The following KIF4A variants were observed in gnomAD, a reference collection of about 807,000 sequenced individuals.
KIF4A encodes kinesin family member 4A, also known as chromosome-associated kinesin KIF4A.
KIF4A carries 7 observed loss-of-function variants against 105.9 expected under a neutral mutation model. That is an observed-to-expected ratio of 0.07 (90% CI 0.04 to 0.12). KIF4A has a LOEUF of 0.12. Among genes scored for constraint, KIF4A ranks in the 10% least tolerant of loss-of-function variants. The probability of loss-of-function intolerance (pLI) is 1.00; values close to 1 mark genes in which losing one functional copy is unlikely to be tolerated. For synonymous variants in KIF4A, 281 were observed against 331.3 expected (o/e 0.85, Z 1.65); for missense variants, 558 against 929.2 (o/e 0.60, Z 5.19).
chrX:70,410,684 A>G (rs1000752921), intron 28 of KIF4A, among the ~76,000 whole-genome samples: 2 of 111,839 alleles, frequency 1.8e-5, no homozygotes, highest in African/African-American at 6.5e-5. Flanking sequence ...CAACATGTGC[A>G]GTTCACAACA....
At position 70,419,702 on chromosome X, in the gene KIF4A, C is replaced by T. The variant is rs1266702964; in HGVS notation, c.3414C>T (p.Gly1138=). 1 of 1,209,704 alleles carries T rather than the reference C, an allele frequency of 8.3e-7. No individual in the cohort carries two copies. ...GTVERTQDSE[G]SFKLEDPTEV... is the part of the protein sequence containing the mutation. ...TTGAACGGACCCAGGATTCCGAAGGCTCCTTCAAACTGGAGGATCCTACCG... is the reference window on the plus strand; with the variant it reads ...TTGAACGGACCCAGGATTCCGAAGGTTCCTTCAAACTGGAGGATCCTACCG... The change falls in exon 30 of 31, where the codon GGC becomes GGT. Residue 1138 remains glycine (G), a synonymous_variant. Transcript: ENST00000374403.
At chrX:70,330,809 G>C (rs951313307) in intron 9 of KIF4A, among the ~76,000 whole-genome samples, 2 of 112,117 alleles carry the variant, frequency 1.8e-5, no homozygotes, top group African/African-American at 6.5e-5. Context: ...AGAAACATAG[G>C]TAGCAAAGTA....
intron 13 of KIF4A, among the ~76,000 whole-genome samples, chrX:70,350,082 G>A (rs2086022108): frequency 8.8e-6 from 1 of 114,096 alleles, no homozygotes; most frequent in Admixed American, 9.1e-5. Context: ...TCCTAGATGG[G>A]GTGGCGGCCG....
chrX:70,344,040 A>T, intron 13 of KIF4A, 58 bp downstream of exon 13: 3 of 872,767 alleles, frequency 3.4e-6, no homozygotes, highest in Non-Finnish European at 5.0e-6. Flanking sequence ...TTCTCTTGAC[A>T]CATACAAGCC....
At chrX:70,310,707 T>A (rs1044118429) in intron 7 of KIF4A, among the ~76,000 whole-genome samples, 10 of 111,335 alleles carry the variant, frequency 9.0e-5, no homozygotes. Flanking sequence ...AGAGTTCCAG[T>A]TTTTTACGTT....
intron 7 of KIF4A, among the ~76,000 whole-genome samples, chrX:70,310,311 T>TTGTG (rs1555945529): frequency 0.15 from 12,613 of 86,164 alleles, 809 homozygotes; most frequent in Non-Finnish European, 0.18. Context: ...CTCAAAATGG[T>TTGTG]TGTGTGTGTG....
At chrX:70,390,705 GACCACT>G (rs765659032) in intron 20 of KIF4A, among the ~76,000 whole-genome samples, 1 of 111,494 alleles carries the variant, frequency 9.0e-6, no homozygotes, top group South Asian at 3.7e-4. Flanking sequence ...ACAGTTGTGT[GACCACT>G]ACAACAATCA....
chrX:70,311,355 T>C (rs963271323), intron 7 of KIF4A, among the ~76,000 whole-genome samples: 1 of 111,584 alleles, frequency 9.0e-6, no homozygotes, highest in African/African-American at 3.3e-5. Context: ...ACTCTATTAC[T>C]GAGTTCTTCC....
intron 7 of KIF4A, among the ~76,000 whole-genome samples, chrX:70,317,805 A>G (rs767171505): frequency 4.5e-5 from 5 of 110,457 alleles, no homozygotes; most frequent in Non-Finnish European, 7.6e-5. Context: ...TAGCCTCCCA[A>G]AGTGTTGGAA....
intron 7 of KIF4A, among the ~76,000 whole-genome samples, chrX:70,302,924 C>T (rs765776733): frequency 1.8e-5 from 2 of 111,835 alleles, no homozygotes; most frequent in Non-Finnish European, 3.8e-5. Context: ...ATCTCTCTAA[C>T]AAAAATTAAC....
chrX:70,417,755 A>G, intron 28 of KIF4A, 133 bp from the exon 29 acceptor site: 2 of 442,138 alleles, frequency 4.5e-6, no homozygotes, highest in Non-Finnish European at 7.8e-6. Flanking sequence ...AGAGAGGACT[A>G]AGGAGATTGA....
intron 15 of KIF4A, among the ~76,000 whole-genome samples, chrX:70,366,615 C>A (rs1555950885): frequency 8.9e-6 from 1 of 112,026 alleles, no homozygotes; most frequent in South Asian, 3.7e-4. Flanking sequence ...GTCTGAGAGA[C>A]AGTTTGTTAT....
At chrX:70,317,656 C>T (rs2085874787) in intron 7 of KIF4A, among the ~76,000 whole-genome samples, 1 of 107,628 alleles carries the variant, frequency 9.3e-6, no homozygotes, top group Non-Finnish European at 1.9e-5. Context: ...GCAATCCTCC[C>T]TCCTTAGCCT....
chrX:70,374,684 T>G (rs2086167899), intron 16 of KIF4A, among the ~76,000 whole-genome samples: 1 of 111,631 alleles, frequency 9.0e-6, no homozygotes, highest in Admixed American at 9.6e-5. Context: ...GGCTAGTGAT[T>G]TAAAAAATCA....
chrX:70,345,261 C>T (rs2085987560), intron 13 of KIF4A, among the ~76,000 whole-genome samples: 1 of 111,619 alleles, frequency 9.0e-6, no homozygotes, highest in Non-Finnish European at 1.9e-5. Context: ...GTCTGGAGTT[C>T]AAAACTAGCC....
chrX:70,290,317 T>G, intron 1 of KIF4A, 121 bp from the exon 2 acceptor site: 13 of 870,827 alleles, frequency 1.5e-5, no homozygotes, highest in Middle Eastern at 4.4e-4. Context: ...GGCCAAGTCA[T>G]GGAGCGTGAA....
In KIF4A at chrX:70,352,624, G is replaced by A; in HGVS notation, c.1456G>A (p.Ala486Thr). 1 of 1,204,503 alleles carries A rather than the reference G, an allele frequency of 8.3e-7. No individual in the cohort carries two copies. Among genetic ancestry groups the A allele is most frequent in the Non-Finnish European group, 1.1e-6 (1 of 889,892 alleles). Residue 486 changes from alanine (A) to threonine (T), a missense_variant, in exon 14 of 31, where the codon GCA (alanine) becomes ACA (threonine). Transcript: ENST00000374403. Reference protein sequence around the residue: ...LSDETVACMAAAIDTAVEQEA... With the variant: ...LSDETVACMATAIDTAVEQEA... ...GGATGAAACTGTTGCTTGCATGGCTGCAGCCATTGATACTGCGGTGGAGCA... is the reference window on the plus strand; with the variant it reads ...GGATGAAACTGTTGCTTGCATGGCTACAGCCATTGATACTGCGGTGGAGCA...
intron 7 of KIF4A, among the ~76,000 whole-genome samples, chrX:70,323,746 A>G (rs1359206071): frequency 9.0e-6 from 1 of 111,412 alleles, no homozygotes; most frequent in Non-Finnish European, 1.9e-5. Flanking sequence ...TTTTTAAGTA[A>G]ATTGCACAAA....
chrX:70,371,585 G>A (rs1753515012), intron 15 of KIF4A, among the ~76,000 whole-genome samples: 1 of 107,708 alleles, frequency 9.3e-6, no homozygotes, highest in Non-Finnish European at 1.9e-5. Flanking sequence ...CCCGGACGGG[G>A]CAGCTGGCCG....
Sources: allele counts gnomAD v4.1 joint callset (sites outside exome capture counted in the v4.1 genomes callset), GRCh38; gene constraint gnomAD v4.1.1; transcripts MANE v1.5; gene names NCBI Gene and HGNC (gene_info 2026-07-23, HGNC 2026-07-21).